PPP3CA: variants seen among roughly 807,000 people sequenced by gnomAD.
The protein encoded by PPP3CA is CAM-PRP catalytic subunit.
Under a neutral mutation model 66.5 loss-of-function variants are expected in PPP3CA, and 14 were observed. The ratio of observed to expected loss-of-function variants is 0.21; its 90% CI spans 0.14 to 0.33. The LOEUF is 0.33. PPP3CA is among the 10% of genes least tolerant of loss of function. The pLI is 1.00. For synonymous variants in PPP3CA, 232 were observed against 226.2 expected, an observed-to-expected ratio of 1.03 and a Z score of -0.23; for missense variants, 317 against 639.5, an observed-to-expected ratio of 0.50 and a Z score of 5.44.
chr4:101,046,786 A>T (rs904592186), intron 10 of PPP3CA, among the ~76,000 whole-genome samples: 1 of 152,156 alleles, frequency 6.6e-6, no homozygotes, highest in Non-Finnish European at 1.5e-5. Context: ...GCAATTACTG[A>T]ATTTGAATAA....
At chr4:101,331,273 A>G (rs757161695) in intron 1 of PPP3CA, among the ~76,000 whole-genome samples, 4 of 152,186 alleles carry the variant, frequency 2.6e-5, no homozygotes, top group Non-Finnish European at 4.4e-5. Flanking sequence ...GGTACTTAAA[A>G]TGAGGTAATA....
chr4:101,269,455 A>C (rs151035611), intron 1 of PPP3CA, among the ~76,000 whole-genome samples: 1 of 152,000 alleles, frequency 6.6e-6, no homozygotes, highest in African/African-American at 2.4e-5. Flanking sequence ...ATAATATTAA[A>C]TTGTTATACC....
At chr4:101,327,122 A>G (rs574044156) in intron 1 of PPP3CA, among the ~76,000 whole-genome samples, 8 of 152,360 alleles carry the variant, frequency 5.3e-5, no homozygotes, top group Middle Eastern at 6.8e-3. Context: ...ACAGCTCAGC[A>G]TAAGAGTGAA....
intron 1 of PPP3CA, among the ~76,000 whole-genome samples, chr4:101,329,289 C>T (rs996354637): frequency 6.6e-6 from 1 of 152,052 alleles, no homozygotes; most frequent in Non-Finnish European, 1.5e-5. Flanking sequence ...TAAGCCAACA[C>T]CTAATCAGCA....
chr4:101,124,733 A>AAGAAAG (rs1278434979), intron 2 of PPP3CA, among the ~76,000 whole-genome samples: 1 of 69,206 alleles, frequency 1.4e-5, no homozygotes, highest in East Asian at 4.2e-4. Flanking sequence ...AAGAGAAAGA[A>AAGAAAG]AGAAAGAAAG....
intron 2 of PPP3CA, among the ~76,000 whole-genome samples, chr4:101,174,065 A>C (rs976541694): frequency 1.1e-4 from 17 of 152,018 alleles, no homozygotes; most frequent in Admixed American, 1.0e-3. Context: ...ACAAATAAAC[A>C]AACAAACAAA....
At chr4:101,346,186 G>C (rs1729985228) in intron 1 of PPP3CA, among the ~76,000 whole-genome samples, 1 of 151,494 alleles carries the variant, frequency 6.6e-6, no homozygotes, top group Non-Finnish European at 1.5e-5. Context: ...GCCCTTCCAG[G>C]GGGAGGGGGA....
chr4:101,333,682 C>A (rs1221492832), intron 1 of PPP3CA, among the ~76,000 whole-genome samples: 1 of 152,096 alleles, frequency 6.6e-6, no homozygotes, highest in Non-Finnish European at 1.5e-5. Context: ...AGGCATCCAT[C>A]TTTATTTTAA....
intron 8 of PPP3CA, among the ~76,000 whole-genome samples, chr4:101,073,811 C>CA (rs955215732): frequency 2.6e-5 from 4 of 151,776 alleles, no homozygotes; most frequent in African/African-American, 9.7e-5. Flanking sequence ...TTACTTTAGT[C>CA]AAAAAACAAA....
intron 1 of PPP3CA, among the ~76,000 whole-genome samples, chr4:101,285,384 A>G (rs1727807220): frequency 6.6e-6 from 1 of 151,894 alleles, no homozygotes; most frequent in South Asian, 2.1e-4. Context: ...TTTACATCTA[A>G]TATCACTAAT....
chr4:101,133,030 C>T (rs944890147), intron 2 of PPP3CA, among the ~76,000 whole-genome samples: 2 of 135,934 alleles, frequency 1.5e-5, no homozygotes, highest in African/African-American at 6.2e-5. Context: ...GCAAAAAAGG[C>T]CTTCGATAAA....
chr4:101,169,610 T>C lies in PPP3CA; in HGVS notation c.259+26306A>G, dbSNP rs79309981. ...ACAGGCCTAAAGAAAGAGACAGTTA[T>C]TAAATGCCTACCTATGGGTTTGATT... On this transcript the variant is annotated intron_variant, in intron 2 of 13. Coordinates refer to ENST00000394854, the MANE Select transcript of PPP3CA (RefSeq NM_000944.5). 5.9e-5 allele frequency among the ~76,000 whole-genome samples: 9 copies of C among 152,330 alleles called. No homozygotes were observed. In the East Asian group the frequency reaches 1.3e-3, roughly 23 times the overall value.
chr4:101,151,558 C>CA (rs139727679), intron 2 of PPP3CA, among the ~76,000 whole-genome samples: 5,071 of 74,194 alleles, frequency 0.068, 187 homozygotes, highest in African/African-American at 0.16. Flanking sequence ...GACTCTGTAT[C>CA]AAAAAAAAAA....
At chr4:101,156,695 A>G (rs1723334170) in intron 2 of PPP3CA, among the ~76,000 whole-genome samples, 1 of 152,056 alleles carries the variant, frequency 6.6e-6, no homozygotes, top group Admixed American at 6.5e-5. Flanking sequence ...GAAAGAAAGA[A>G]AGAGAAAGCC....
chr4:101,111,185 T>C (rs747713366), intron 2 of PPP3CA, among the ~76,000 whole-genome samples: 17 of 152,186 alleles, frequency 1.1e-4, no homozygotes, highest in Admixed American at 7.2e-4. Flanking sequence ...ATATGACATG[T>C]TTCAAACCAA....
intron 2 of PPP3CA, among the ~76,000 whole-genome samples, chr4:101,168,529 G>A (rs1193488451): frequency 6.6e-6 from 1 of 152,124 alleles, no homozygotes; most frequent in African/African-American, 2.4e-5. Flanking sequence ...GAAGTCTAAG[G>A]ACTAAATTGT....
chr4:101,342,019 A>C (rs904785658), intron 1 of PPP3CA, among the ~76,000 whole-genome samples: 3 of 152,170 alleles, frequency 2.0e-5, no homozygotes, highest in Admixed American at 6.6e-5. Flanking sequence ...ACACAAAAAA[A>C]GATAAGGAAA....
chr4:101,169,747 T>C (rs1451392076), intron 2 of PPP3CA, among the ~76,000 whole-genome samples: 5 of 151,968 alleles, frequency 3.3e-5, no homozygotes, highest in African/African-American at 9.7e-5. Context: ...CTTTTTTTTT[T>C]TACTGCTGAC....
At chr4:101,183,605 T>A (rs1296757042) in intron 2 of PPP3CA, among the ~76,000 whole-genome samples, 2 of 152,134 alleles carry the variant, frequency 1.3e-5, no homozygotes, top group Non-Finnish European at 2.9e-5. Context: ...TATCTCAAAA[T>A]CAAAAATATT....
Sources: gnomAD v4.1 joint callset for allele counts (sites outside exome capture counted in the v4.1 genomes callset) on GRCh38, gnomAD v4.1.1 for gene constraint, MANE v1.5 for transcripts, NCBI Gene and HGNC (gene_info 2026-07-23, HGNC 2026-07-21) for gene names.